PRKG1: variants seen among roughly 807,000 people sequenced by gnomAD.
PRKG1 encodes the protein cGMP-dependent protein kinase 1.
PRKG1 carries 35 observed loss-of-function variants against 88.1 expected under a neutral mutation model. That is an observed-to-expected ratio of 0.40 (90% CI 0.30 to 0.53). The LOEUF (loss-of-function observed/expected upper bound fraction) is 0.53. PRKG1 is among the 20% of genes least tolerant of loss of function. The pLI, the probability that PRKG1 is intolerant of heterozygous loss-of-function variation, is 0.59. For synonymous variants in PRKG1, 303 were observed against 292.5 expected (o/e 1.04, Z -0.37); for missense variants, 540 against 839.8 (o/e 0.64, Z 4.41).
chr10:51,143,396 G>T (rs1845868593), intron 1 of PRKG1, among the ~76,000 whole-genome samples: 1 of 152,024 alleles, frequency 6.6e-6, no homozygotes, highest in Non-Finnish European at 1.5e-5. Flanking sequence ...TGGACACTTA[G>T]GTTGATTCCA....
chr10:51,152,297 C>A (rs1215618117), intron 1 of PRKG1, among the ~76,000 whole-genome samples: 1 of 152,006 alleles, frequency 6.6e-6, no homozygotes, highest in Non-Finnish European at 1.5e-5. Context: ...ATACCTAAAA[C>A]ATGTTGCACT....
chr10:52,148,983 T>TTTTTTTA (rs1491582312), intron 8 of PRKG1, among the ~76,000 whole-genome samples: 1 of 104,776 alleles, frequency 9.5e-6, no homozygotes, highest in Non-Finnish European at 2.1e-5. Context: ...TTTTTTTTTT[T>TTTTTTTA]AGGTTTGGAA....
At chr10:52,128,096 G>A in intron 7 of PRKG1, 1 of 985,226 alleles carries the variant, frequency 1.0e-6, no homozygotes, top group Non-Finnish European at 1.2e-6. Context: ...AAAAGAATTT[G>A]CTTTGTGCTG....
chr10:52,014,890 C>A (rs1039997894), intron 5 of PRKG1, among the ~76,000 whole-genome samples: 3 of 152,228 alleles, frequency 2.0e-5, no homozygotes, highest in African/African-American at 7.2e-5. Context: ...ACATTCAGGG[C>A]ACACTGATGC....
At chr10:52,142,533 A>G (rs984441181) in intron 8 of PRKG1, among the ~76,000 whole-genome samples, 1 of 152,174 alleles carries the variant, frequency 6.6e-6, no homozygotes, top group African/African-American at 2.4e-5. Flanking sequence ...CTAAATATAT[A>G]TAGATATATG....
Position 51,666,775 on chromosome 10 carries a change from G to GTTTA in PRKG1, c.593-137791_593-137788dup, listed in dbSNP as rs747991915. On this transcript the variant is annotated intron_variant, in intron 3 of 17. Coordinates refer to ENST00000373980, the MANE Select transcript of PRKG1 (RefSeq NM_006258.4). ...TGTGTTCAGTAGAACTCTTGTAAAA[G>GTTTA]TTTATTTATTTATTTATTTATTCTT... Among the ~76,000 whole-genome samples the GTTTA allele has an allele frequency of 2.0e-4, 31 of 151,926 alleles. 1 individual carries two copies. The highest frequency in any genetic ancestry group is 1.0e-3 in the South Asian group (5 of 4,808).
At chr10:52,051,662 T>C (rs1243167851) in intron 5 of PRKG1, among the ~76,000 whole-genome samples, 1 of 152,164 alleles carries the variant, frequency 6.6e-6, no homozygotes, top group African/African-American at 2.4e-5. Flanking sequence ...TCTTCCCAAA[T>C]TGAACCCTAT....
At chr10:51,699,487 C>T in intron 3 of PRKG1, 4 of 1,613,714 alleles carry the variant, frequency 2.5e-6, no homozygotes, top group Non-Finnish European at 3.4e-6. Flanking sequence ...ATGGAATGTT[C>T]CCCACGAACA....
At chr10:51,416,935 G>T (rs1393717327) in intron 2 of PRKG1, among the ~76,000 whole-genome samples, 1 of 152,148 alleles carries the variant, frequency 6.6e-6, no homozygotes, top group Non-Finnish European at 1.5e-5. Flanking sequence ...CTATTTATCA[G>T]ATTTTCAAAG....
At chr10:52,116,509 G>A (rs546606657) in intron 7 of PRKG1, among the ~76,000 whole-genome samples, 7 of 152,168 alleles carry the variant, frequency 4.6e-5, no homozygotes, top group African/African-American at 1.2e-4. Context: ...TTTCACCAAC[G>A]TGATCTGAAA....
rs748533502 is a variant in PRKG1, at chr10:52,166,791, A to ATATATATATATATG, written c.1076+4834_1076+4835insTATATATGTATATA. On this transcript the variant is annotated intron_variant, in intron 9 of 17. Transcript: ENST00000373980. Reference sequence around the variant, plus strand: ...TATTTCTTCAAATAAAAAAGCCTATATATATACATATATATATGTATATAT... The same window carrying ATATATATATATATG: ...TATTTCTTCAAATAAAAAAGCCTATATATATATATATATGTATATACATATATATATGTATATAT... Among the ~76,000 whole-genome samples, 197 of 36,834 alleles carry ATATATATATATATG rather than the reference A, an allele frequency of 5.3e-3. 3 individuals carry two copies. Among genetic ancestry groups the ATATATATATATATG allele is most frequent in the Non-Finnish European group, 7.3e-3 (147 of 20,204 alleles). The allele number at this position is 36,834 out of a possible 152,430, so 24.2% of individuals were successfully genotyped here. A position where few individuals can be genotyped will look rare whatever the true frequency, so the allele number is the denominator to read the frequency against.
At chr10:51,406,626 T>G (rs1348650144) in intron 2 of PRKG1, among the ~76,000 whole-genome samples, 5 of 145,498 alleles carry the variant, frequency 3.4e-5, no homozygotes, top group East Asian at 1.9e-4. Context: ...TGTTTGTTTT[T>G]TTTTTTTTTT....
intron 1 of PRKG1, among the ~76,000 whole-genome samples, chr10:51,089,907 T>A (rs1589144761): frequency 1.3e-5 from 2 of 152,196 alleles, no homozygotes; most frequent in African/African-American, 2.4e-5. Context: ...TCACACTCTG[T>A]GGGCATTCAT....
chr10:51,566,369 C>G lies in PRKG1; in HGVS notation c.592+98533C>G, dbSNP rs369321245. On this transcript the variant is annotated intron_variant, in intron 3 of 17. Transcript: ENST00000373980. ...AAGCCCTAAACCAAGCAGTTCTTTC[C>G]TTGTTTTATGTACTCATTTCTGAGT... Among the ~76,000 whole-genome samples the G allele has an allele frequency of 1.1e-4, 17 of 152,174 alleles. 1 individual carries two copies. The East Asian group carries it at 2.7e-3, about 24-fold the overall frequency.
intron 5 of PRKG1, among the ~76,000 whole-genome samples, chr10:51,950,073 C>G (rs74132831): frequency 0.079 from 12,057 of 152,050 alleles, 1,300 homozygotes; most frequent in African/African-American, 0.24. Context: ...GAGTCAAGCA[C>G]AAAATAAAGA....
chr10:51,699,852 A>G (rs965991082), intron 3 of PRKG1, among the ~76,000 whole-genome samples: 6 of 152,116 alleles, frequency 3.9e-5, no homozygotes, highest in African/African-American at 1.2e-4. Context: ...CACGCTTGGT[A>G]CGAGATGACC....
chr10:51,384,705 C>T (rs1236239168), intron 2 of PRKG1, among the ~76,000 whole-genome samples: 9 of 152,032 alleles, frequency 5.9e-5, no homozygotes. Context: ...CTTTTCCTAC[C>T]CAGCTTCCAC....
chr10:51,803,032 A>T (rs756103506), intron 3 of PRKG1, among the ~76,000 whole-genome samples: 45 of 151,984 alleles, frequency 3.0e-4, no homozygotes, highest in Non-Finnish European at 2.4e-4. Context: ...TTTGTAGCTC[A>T]GCTCCCACCA....
chr10:52,274,419 C>T (rs966918505), intron 12 of PRKG1, among the ~76,000 whole-genome samples: 3 of 151,770 alleles, frequency 2.0e-5, no homozygotes, highest in Non-Finnish European at 4.4e-5. Context: ...ATAATAGTCT[C>T]CAATTTCATC....
Sources: allele counts gnomAD v4.1 joint callset (sites outside exome capture counted in the v4.1 genomes callset), GRCh38; gene constraint gnomAD v4.1.1; transcripts MANE v1.5; gene names NCBI Gene and HGNC (gene_info 2026-07-23, HGNC 2026-07-21).